DCAF10: variants seen among roughly 807,000 people sequenced by gnomAD.
The protein encoded by DCAF10 is DDB1- and CUL4-associated factor 10.
A neutral mutation model predicts 51.9 loss-of-function variants in DCAF10; 19 were observed. The ratio of observed to expected loss-of-function variants is 0.37; its 90% CI spans 0.26 to 0.54. The LOEUF is 0.54. Among genes scored for constraint, DCAF10 ranks in the 20% least tolerant of loss-of-function variants. DCAF10 has a pLI of 0.87. For missense variants in DCAF10, 510 were observed against 730.6 expected, an observed-to-expected ratio of 0.70 and a Z score of 3.48; for synonymous variants, 291 against 297.1, an observed-to-expected ratio of 0.98 and a Z score of 0.21.
At chr9:37,805,837 C>T (rs1031150452) in intron 1 of DCAF10, among the ~76,000 whole-genome samples, 2 of 152,236 alleles carry the variant, frequency 1.3e-5, no homozygotes, top group African/African-American at 4.8e-5. Context: ...ACAATCCCAA[C>T]ATTTTGGGAA....
chr9:37,813,060 A>G (rs1192166298), intron 1 of DCAF10, among the ~76,000 whole-genome samples: 4 of 152,178 alleles, frequency 2.6e-5, no homozygotes, highest in African/African-American at 9.6e-5. Context: ...GTAAAAATAT[A>G]TTTAACATAC....
Position 37,800,838 on chromosome 9 carries a change from G to T in DCAF10, c.-29G>T, listed in dbSNP as rs1403738734. 2.0e-6 allele frequency: 3 copies of T among 1,486,540 alleles called. No individual in the cohort carries two copies. The highest frequency in any genetic ancestry group is 2.5e-5 in the East Asian group (1 of 40,448). The allele number at this position is 1,486,540 out of a possible 1,614,324, so 92.1% of individuals were successfully genotyped here. On this transcript the variant is annotated 5_prime_UTR_variant, in exon 1 of 7. Coordinates refer to ENST00000377724, the MANE Select transcript of DCAF10 (RefSeq NM_024345.5). ...TGAGGTGTCGGCCGGCGGGGCAGTGGCCCGGAGCGGGGGGCGGGGGCGTTG... is the reference window on the plus strand; with the variant it reads ...TGAGGTGTCGGCCGGCGGGGCAGTGTCCCGGAGCGGGGGGCGGGGGCGTTG...
At chr9:37,843,513 T>G (rs770881826) in intron 3 of DCAF10, among the ~76,000 whole-genome samples, 13 of 152,056 alleles carry the variant, frequency 8.5e-5, no homozygotes, top group Non-Finnish European at 1.8e-4. Context: ...AAATGTAACT[T>G]CCAAATTAGT....
At chr9:37,855,255 C>T (rs1830813071) in intron 4 of DCAF10, among the ~76,000 whole-genome samples, 1 of 152,134 alleles carries the variant, frequency 6.6e-6, no homozygotes, top group Non-Finnish European at 1.5e-5. Context: ...TTATGCTAGC[C>T]ACAGGATCTT....
intron 1 of DCAF10, among the ~76,000 whole-genome samples, chr9:37,808,364 C>T (rs1211117525): frequency 2.7e-5 from 4 of 148,824 alleles, no homozygotes; most frequent in Admixed American, 6.9e-5. Flanking sequence ...GCCAAAATCG[C>T]GCCACTGCAC....
intron 2 of DCAF10, among the ~76,000 whole-genome samples, chr9:37,819,680 A>G (rs1829646615): frequency 6.6e-6 from 1 of 152,228 alleles, no homozygotes; most frequent in African/African-American, 2.4e-5. Context: ...GCCATGTATT[A>G]TGCTAGTCCT....
At chr9:37,850,486 T>C (rs1339524376) in intron 3 of DCAF10, among the ~76,000 whole-genome samples, 1 of 152,072 alleles carries the variant, frequency 6.6e-6, no homozygotes, top group African/African-American at 2.4e-5. Flanking sequence ...ACAATACGAA[T>C]GAGCCTGGAG....
intron 3 of DCAF10, among the ~76,000 whole-genome samples, chr9:37,843,179 A>G (rs1213611140): frequency 6.6e-6 from 1 of 151,854 alleles, no homozygotes; most frequent in Non-Finnish European, 1.5e-5. Flanking sequence ...CACCATGCCC[A>G]CCTAATTTTT....
rs577328535 is a variant in DCAF10, at chr9:37,856,153, CA to C, written c.1055-1080del. ...GGGCAACAGAGAAAGACCCTGTGTC[CA>C]AAAAAAAGGAAATGAAAAAAAAGGT... On this transcript the variant is annotated intron_variant, in intron 4 of 6. Transcript: ENST00000377724. 2.5e-4 allele frequency among the ~76,000 whole-genome samples: 37 copies of C among 150,960 alleles called. 1 individual carries two copies. Among genetic ancestry groups the C allele is most frequent in the South Asian group, 1.5e-3 (7 of 4,770 alleles).
At position 37,832,597 on chromosome 9, in the gene DCAF10, G is replaced by A. The variant is rs1337860293; in HGVS notation, c.654-9492G>A. Among the ~76,000 whole-genome samples, 5 of 152,286 alleles carry A rather than the reference G, an allele frequency of 3.3e-5. No homozygotes were observed. The East Asian group carries it at 9.6e-4, about 29-fold the overall frequency. On this transcript the variant is annotated intron_variant, in intron 2 of 6. Transcript: ENST00000377724. Reference sequence around the variant, plus strand: ...TGTAGTGCTGTGTCAGTGGGAACACGAAATTTCTTATCTTACAAAGGATGC... The same window carrying A: ...TGTAGTGCTGTGTCAGTGGGAACACAAAATTTCTTATCTTACAAAGGATGC...
At chr9:37,848,930 G>A (rs541565808) in intron 3 of DCAF10, among the ~76,000 whole-genome samples, 8 of 144,840 alleles carry the variant, frequency 5.5e-5, no homozygotes, top group South Asian at 4.3e-4. Flanking sequence ...TCAAGATCAC[G>A]CCACTGCTCT....
chr9:37,842,700 G>C (rs1830366860), intron 3 of DCAF10, among the ~76,000 whole-genome samples: 1 of 152,114 alleles, frequency 6.6e-6, no homozygotes, highest in Non-Finnish European at 1.5e-5. Flanking sequence ...ATCTCAAAGG[G>C]AATGTTTAGG....
At chr9:37,848,850 G>A (rs542150946) in intron 3 of DCAF10, among the ~76,000 whole-genome samples, 1 of 151,846 alleles carries the variant, frequency 6.6e-6, no homozygotes, top group African/African-American at 2.4e-5. Flanking sequence ...GTGGGCACCT[G>A]TAATCCCAGC....
At chr9:37,832,663 T>C (rs1830041152) in intron 2 of DCAF10, among the ~76,000 whole-genome samples, 1 of 152,152 alleles carries the variant, frequency 6.6e-6, no homozygotes, top group African/African-American at 2.4e-5. Context: ...AGAGAACTGG[T>C]CAAGTAATAT....
chr9:37,865,849 T>C lies in DCAF10; in HGVS notation c.*4341T>C, dbSNP rs1415255731. The C allele has an allele frequency of 6.6e-6, 1 of 152,398 alleles. No individual in the cohort carries two copies. The highest frequency in any genetic ancestry group is 1.5e-5 in the Non-Finnish European group (1 of 68,032). 9.4% of individuals were successfully genotyped at this position (152,398 alleles called of 1,614,324 possible). A position where few individuals can be genotyped will look rare whatever the true frequency, so the allele number is the denominator to read the frequency against. ...AGAAAAGGAACAAGAAAAAGGTAAA[T>C]TCATGTGTTCCCCACTGCTGTGTCT... On this transcript the variant is annotated 3_prime_UTR_variant, in exon 7 of 7. Coordinates refer to ENST00000377724, the MANE Select transcript of DCAF10 (RefSeq NM_024345.5).
In DCAF10 at chr9:37,823,699, T is replaced by C. The variant is rs577978741; in HGVS notation, c.653+4298T>C. On this transcript the variant is annotated intron_variant, in intron 2 of 6. Transcript: ENST00000377724. The stretch of plus-strand genomic sequence containing the variant: ...ACATATGTAATTTTTAATTTTATAG[T>C]AGTCACACTAAAAAAGAAAAGAGGT... Among the ~76,000 whole-genome samples, 13 of 152,192 alleles carry C rather than the reference T, an allele frequency of 8.5e-5. No individual in the cohort carries two copies. In the South Asian group the frequency reaches 2.7e-3, roughly 32 times the overall value.
At chr9:37,813,635 A>G (rs1829421604) in intron 1 of DCAF10, among the ~76,000 whole-genome samples, 1 of 152,268 alleles carries the variant, frequency 6.6e-6, no homozygotes, top group Non-Finnish European at 1.5e-5. Context: ...TGCTAGCATT[A>G]GCTAAATGAA....
chr9:37,866,635 G>A lies in DCAF10; in HGVS notation c.*5127G>A, dbSNP rs35436909. ...ACAGTAAGAGCTGGACAAACTCTGG[G>A]GGGACACAGTCTTTGAGACAGCTCT... On this transcript the variant is annotated 3_prime_UTR_variant, in exon 7 of 7. Transcript: ENST00000377724. 0.13 allele frequency: 19,513 copies of A among 152,488 alleles called. 1,417 individuals carry two copies. Among genetic ancestry groups the A allele is most frequent in the Non-Finnish European group, 0.16 (10,996 of 68,010 alleles). The allele number at this position is 152,488 out of a possible 1,614,324, so 9.4% of individuals were successfully genotyped here.
chr9:37,864,600 AT>A lies in DCAF10; in HGVS notation c.*3093del, dbSNP rs1337185705. On this transcript the variant is annotated 3_prime_UTR_variant, in exon 7 of 7. Coordinates refer to ENST00000377724, the MANE Select transcript of DCAF10 (RefSeq NM_024345.5). ...CTCTGCCTCAAAAAAAAAAAAAAAA[AT>A]AAAATAAAATAAAATTAGTTTTGGA... is the stretch of plus-strand genomic sequence containing the variant. 27 of 151,258 alleles carry A rather than the reference AT, an allele frequency of 1.8e-4. No homozygotes were observed. The highest frequency in any genetic ancestry group is 4.8e-4 in the African/African-American group (20 of 41,280). 9.4% of individuals were successfully genotyped at this position (151,258 alleles called of 1,614,324 possible). A position where few individuals can be genotyped will look rare whatever the true frequency, so the allele number is the denominator to read the frequency against.
Sources: allele counts gnomAD v4.1 joint callset (sites outside exome capture counted in the v4.1 genomes callset), GRCh38; gene constraint gnomAD v4.1.1; transcripts MANE v1.5; gene names NCBI Gene and HGNC (gene_info 2026-07-23, HGNC 2026-07-21).